PAOX: variants seen among roughly 807,000 people sequenced by gnomAD.
The protein encoded by PAOX is polyamine oxidase.
Under a neutral mutation model 39.0 loss-of-function variants are expected in PAOX, and 38 were observed. The ratio of observed to expected loss-of-function variants is 0.97; its 90% CI spans 0.75 to 1.28. The LOEUF (loss-of-function observed/expected upper bound fraction) is 1.28. PAOX is among the 50% of genes most tolerant of loss of function. The probability of loss-of-function intolerance (pLI) is 0.00; values close to 1 mark genes in which losing one functional copy is unlikely to be tolerated. For missense variants in PAOX, 667 were observed against 685.7 expected, an observed-to-expected ratio of 0.97 and a Z score of 0.30; for synonymous variants, 311 against 314.4, an observed-to-expected ratio of 0.99 and a Z score of 0.11.
chr10:133,384,150 C>T lies in PAOX; in HGVS notation c.1059C>T (p.Ala353=), dbSNP rs773731841. The change falls in exon 4 of 7, where the codon GCC becomes GCT. Residue 353 remains alanine, a synonymous_variant. Transcript: ENST00000278060. The surrounding 1 kb of genome is among the most constrained non-coding windows in gnomAD (Gnocchi z 4.3). The part of the protein sequence containing the change: ...WEDTSPLEDA[A]PELQDAWFRK... ...ACACGTCGCCCCTGGAGGATGCTGC[C>T]CCTGAGCTACAGGACGCCTGGTTCC... 5 of 1,614,044 alleles carry T rather than the reference C, an allele frequency of 3.1e-6. No individual in the cohort carries two copies. Among genetic ancestry groups the T allele is most frequent in the African/African-American group, 1.3e-5 (1 of 74,932 alleles).
At chr10:133,381,212 C>T (rs1262514487) in intron 2 of PAOX, among the ~76,000 whole-genome samples, 3 of 152,220 alleles carry the variant, frequency 2.0e-5, no homozygotes, top group Non-Finnish European at 4.4e-5. Context: ...AGGAGGAAGC[C>T]CTGGTTCCGG....
Position 133,380,222 on chromosome 10 carries a change from C to G in PAOX, c.405C>G (p.Tyr135Ter). 1 of 1,612,886 alleles carries G rather than the reference C, an allele frequency of 6.2e-7. No homozygotes were observed. Among genetic ancestry groups the G allele is most frequent in the Non-Finnish European group, 8.5e-7 (1 of 1,180,010 alleles). ...QLVAEMATLF[Y>*]GLIDQTREFL... Reference sequence around the variant, plus strand: ...TGGCGGAGATGGCGACTCTGTTCTACGGCCTGATAGACCAGACCCGGGAGT... The same window carrying G: ...TGGCGGAGATGGCGACTCTGTTCTAGGGCCTGATAGACCAGACCCGGGAGT... The change falls in exon 2 of 7, where the codon TAC (tyrosine) becomes TAG (stop). Residue 135 changes from tyrosine to a stop codon, truncating the protein, a stop_gained. Coordinates refer to ENST00000278060, the MANE Select transcript of PAOX (RefSeq NM_152911.4). LOFTEE classifies it high-confidence loss of function.
intron 6 of PAOX, chr10:133,390,911 T>C: frequency 1.5e-6 from 1 of 689,656 alleles, no homozygotes; most frequent in Non-Finnish European, 2.6e-6. Flanking sequence ...TAAAAGCTGT[T>C]CACACCTGAG....
intron 2 of PAOX, among the ~76,000 whole-genome samples, chr10:133,381,183 C>T (rs986026298): frequency 2.0e-5 from 3 of 152,218 alleles, no homozygotes; most frequent in African/African-American, 7.2e-5. Flanking sequence ...ATTTGTGAGT[C>T]AGGAACTCTG....
intron 4 of PAOX, 54 bp from the exon 5 acceptor site, chr10:133,388,902 G>T: frequency 1.3e-6 from 1 of 768,234 alleles, no homozygotes; most frequent in Admixed American, 1.8e-5. Context: ...TCATCCCAGG[G>T]CTCTCTTTCT....
chr10:133,379,791 T>A, intron 1 of PAOX: 1 of 644,340 alleles, frequency 1.6e-6, no homozygotes, highest in South Asian at 3.8e-5. Context: ...CTCCCTCTGG[T>A]CCACACCGCC....
At position 133,380,494 on chromosome 10, in the gene PAOX, C is replaced by A; in HGVS notation, c.668+9C>A. 1 of 1,564,194 alleles carries A rather than the reference C, an allele frequency of 6.4e-7. No individual in the cohort carries two copies. Among genetic ancestry groups the A allele is most frequent in the Non-Finnish European group, 8.6e-7 (1 of 1,158,620 alleles). On this transcript the variant is annotated intron_variant, in intron 2 of 6. Transcript: ENST00000278060. ...GACTGCACCTTTTCTAAGTGCGTGC[C>A]TGAGCCCCTGCCCCGCCAGTCCTCC...
intron 4 of PAOX, among the ~76,000 whole-genome samples, chr10:133,385,260 C>T (rs1186986615): frequency 6.6e-6 from 1 of 151,974 alleles, no homozygotes; most frequent in East Asian, 1.9e-4. Context: ...TGTGCCACTG[C>T]ACTCCAGCCT....
chr10:133,379,767 C>G (rs1849301274), intron 1 of PAOX: 1 of 554,466 alleles, frequency 1.8e-6, no homozygotes, highest in Non-Finnish European at 2.8e-6. Context: ...CCGGGGTACG[C>G]CCACCCTGCG....
intron 6 of PAOX, 161 bp from the exon 7 acceptor site, chr10:133,391,151 A>G (rs529006870): frequency 1.6e-5 from 12 of 730,806 alleles, no homozygotes; most frequent in South Asian, 7.3e-5. Flanking sequence ...TTTCCTGGCT[A>G]TTGGTGGGTA....
chr10:133,384,047 C>T lies in PAOX; in HGVS notation c.956C>T (p.Thr319Ile), dbSNP rs763539864. The T allele has an allele frequency of 6.2e-7, 1 of 1,614,064 alleles. No homozygotes were observed. Among genetic ancestry groups the T allele is most frequent in the African/African-American group, 1.3e-5 (1 of 74,928 alleles). ...GCAATCAGGAAGATAGGCTTTGGGA[C>T]CAACAACAAAATCTTCCTGGAGTTT... ...AEAIRKIGFG[T>I]NNKIFLEFEE... The change falls in exon 4 of 7, where the codon ACC (threonine) becomes ATC (isoleucine). Residue 319 changes from threonine to isoleucine, a missense_variant. By Grantham distance (89) the Thr-to-Ile change is moderately conservative (BLOSUM62 -1). Coordinates refer to ENST00000278060, the MANE Select transcript of PAOX (RefSeq NM_152911.4). The surrounding 1 kb of genome is among the most constrained non-coding windows in gnomAD (Gnocchi z 4.3).
rs1849324388 is a variant in PAOX at position 133,380,233 on chromosome 10, A to T, written c.416A>T (p.Asp139Val). Residue 139 changes from aspartate (D) to valine (V), a missense_variant, in exon 2 of 7, where the codon GAC becomes GTC. Physicochemically the swap from Asp to Val is radical, Grantham distance 152. Transcript: ENST00000278060. ...EMATLFYGLI[D>V]QTREFLHAAE... Reference sequence around the variant, plus strand: ...GCGACTCTGTTCTACGGCCTGATAGACCAGACCCGGGAGTTCCTGCACGCT... The same window carrying T: ...GCGACTCTGTTCTACGGCCTGATAGTCCAGACCCGGGAGTTCCTGCACGCT... 1 of 1,612,686 alleles carries T rather than the reference A, an allele frequency of 6.2e-7. No individual in the cohort carries two copies. The highest frequency in any genetic ancestry group is 8.5e-7 in the Non-Finnish European group (1 of 1,180,000).
At chr10:133,386,599 T>C (rs4838738) in intron 4 of PAOX, among the ~76,000 whole-genome samples, 146,930 of 151,934 alleles carry the variant, frequency 0.97, 71,219 homozygotes, top group East Asian at 1. Flanking sequence ...CTCAGCCTCC[T>C]GAGTAGCTGG....
At chr10:133,390,953 A>C (rs554910550) in intron 6 of PAOX, 1 of 699,170 alleles carries the variant, frequency 1.4e-6, no homozygotes, top group African/African-American at 1.8e-5. Flanking sequence ...TTTCCCACCC[A>C]TTGGTGGATG....
intron 3 of PAOX, among the ~76,000 whole-genome samples, chr10:133,382,416 C>T (rs923057426): frequency 6.6e-6 from 1 of 152,216 alleles, no homozygotes; most frequent in South Asian, 2.1e-4. Flanking sequence ...TGGCTTTGCC[C>T]TCCCCGGGGC....
intron 3 of PAOX, among the ~76,000 whole-genome samples, chr10:133,381,916 C>T (rs528418961): frequency 6.6e-6 from 1 of 152,262 alleles, no homozygotes; most frequent in African/African-American, 2.4e-5. Context: ...AGGGTTGCGA[C>T]GGCCTTGGAG....
Position 133,391,549 on chromosome 10 carries a change from T to A in PAOX, c.*94T>A. 1 of 1,482,690 alleles carries A rather than the reference T, an allele frequency of 6.7e-7. No homozygotes were observed. The highest frequency in any genetic ancestry group is 9.0e-7 in the Non-Finnish European group (1 of 1,114,434). The allele number at this position is 1,482,690 out of a possible 1,614,324, so 91.8% of individuals were successfully genotyped here. On this transcript the variant is annotated 3_prime_UTR_variant, in exon 7 of 7. Transcript: ENST00000278060. The stretch of plus-strand genomic sequence containing the variant: ...TTCAGTCTGGCTTGAAATTTGGGGA[T>A]GTTAATGAGGGTCCTCTGGTTTTTG...
rs1190563967 is a variant in PAOX, at chr10:133,384,250, C to CT, written c.1121+39dup. 12 of 1,603,024 alleles carry CT rather than the reference C, an allele frequency of 7.5e-6. No individual in the cohort carries two copies. The African/African-American group carries it at 1.6e-4, about 21-fold the overall frequency. ...CCTGAGAAGTTCTGCGAGTGGCTGG[C>CT]TCATAGGCCTTCATCTGATGGAGGA... On this transcript the variant is annotated intron_variant, in intron 4 of 6. Transcript: ENST00000278060. This position sits in a 1 kb window ranked among gnomAD's most constrained non-coding sequence, Gnocchi z 4.3.
chr10:133,380,749 G>A (rs1220240398), intron 2 of PAOX, among the ~76,000 whole-genome samples: 2 of 152,260 alleles, frequency 1.3e-5, no homozygotes, highest in African/African-American at 2.4e-5. Flanking sequence ...GGAGGCTGAG[G>A]CAGGTGGATC....
Sources: allele counts gnomAD v4.1 joint callset (sites outside exome capture counted in the v4.1 genomes callset), GRCh38; gene constraint gnomAD v4.1.1; non-coding constraint Gnocchi (gnomAD v3.1); transcripts MANE v1.5; gene names NCBI Gene and HGNC (gene_info 2026-07-23, HGNC 2026-07-21).